The following CFAP65 variants were observed in gnomAD, a reference collection of about 807,000 sequenced individuals.
CFAP65 encodes cilia and flagella associated protein 65.
CFAP65 carries 155 observed loss-of-function variants against 208.0 expected under a neutral mutation model. That is an observed-to-expected ratio of 0.75 (90% CI 0.65 to 0.85). The LOEUF (loss-of-function observed/expected upper bound fraction) is 0.85, where lower values mean the gene tolerates loss of function less well. Among genes scored for constraint, CFAP65 ranks in the 40% least tolerant of loss-of-function variants. CFAP65 has a pLI of 0.00. For synonymous variants in CFAP65, 970 were observed against 986.3 expected (o/e 0.98, Z 0.31); for missense variants, 2,294 against 2,451.3 (o/e 0.94, Z 1.36).
intron 11 of CFAP65, among the ~76,000 whole-genome samples, 165 bp from the exon 12 acceptor site, chr2:219,028,566 G>T (rs1947812269): frequency 6.6e-6 from 1 of 152,130 alleles, no homozygotes. Context: ...GTCTGGCTCA[G>T]CCAGGGCACA....
chr2:219,014,753 C>T (rs73993394), intron 21 of CFAP65: 26,438 of 152,204 alleles, frequency 0.17, 5,528 homozygotes, highest in African/African-American at 0.51. Flanking sequence ...TGAGAGAAAG[C>T]GCACAACGCA....
At chr2:219,006,550 C>T in intron 29 of CFAP65, 41 bp from the exon 30 acceptor site, 1 of 1,604,942 alleles carries the variant, frequency 6.2e-7, no homozygotes, top group Non-Finnish European at 8.5e-7. Context: ...TACAAGAGGC[C>T]CGGCCGGGGG....
At chr2:219,008,986 C>G in intron 29 of CFAP65, 61 bp downstream of exon 29, 1 of 1,430,502 alleles carries the variant, frequency 7.0e-7, no homozygotes, top group South Asian at 1.2e-5. Flanking sequence ...CTACCTCTGT[C>G]CCCTCTGGTA....
At chr2:219,010,777 C>G (rs1438857720) in intron 25 of CFAP65, 28 bp downstream of exon 25, 8 of 1,591,390 alleles carry the variant, frequency 5.0e-6, no homozygotes, top group Non-Finnish European at 6.9e-6. Context: ...ACCACCCCAC[C>G]TCCCACGTCA....
rs1946628795 is a variant in CFAP65 at position 219,013,524 on chromosome 2, T to C, written c.3841A>G (p.Ile1281Val). ...CCAGTGTGCTGGGGCCTCACCAGGA[T>C]CTCCCGGCCATGGGACACCTTGAAG... The part of the protein sequence containing the change: ...VLFKVSHGRE[I>V]LLNFIGVTVK... The change falls in exon 23 of 35, where the codon ATC becomes GTC. Residue 1281 changes from isoleucine (I) to valine (V), a missense_variant. By Grantham distance (29) the Ile-to-Val change is conservative (BLOSUM62 3). Around this residue, in one of 2 missense-constraint regions of CFAP65, gnomAD observed 1,427 missense variants for 1,438.7 expected, o/e 0.99. Coordinates refer to ENST00000341552, the MANE Select transcript of CFAP65 (RefSeq NM_194302.4). The C allele has an allele frequency of 6.3e-7, 1 of 1,598,166 alleles. No homozygotes were observed. Among genetic ancestry groups the C allele is most frequent in the Non-Finnish European group, 8.5e-7 (1 of 1,173,896 alleles).
chr2:219,009,053 T>TCACC lies in CFAP65; in HGVS notation c.4667_4668insGGTG (p.Lys1558SerfsTer11). On this transcript the variant is annotated frameshift_variant, in exon 29 of 35. Transcript: ENST00000341552. LOFTEE classifies it high-confidence loss of function. ...TCTACTCAGCCCTCCTCACCTTCAC[T>TCACC]TTCATGTCGGTGATGGTGAACTCCA... 6.2e-7 allele frequency: 1 copy of TCACC among 1,611,010 alleles called. No individual in the cohort carries two copies. The highest frequency in any genetic ancestry group is 1.1e-5 in the South Asian group (1 of 91,056).
At position 219,019,688 on chromosome 2, in the gene CFAP65, G is replaced by A. The variant is rs1476750738; in HGVS notation, c.3291C>T (p.Cys1097=). 6.2e-7 allele frequency: 1 copy of A among 1,613,506 alleles called. No individual in the cohort carries two copies. The highest frequency in any genetic ancestry group is 8.5e-7 in the Non-Finnish European group (1 of 1,180,010). Residue 1097 remains cysteine (C), a synonymous_variant, in exon 20 of 35, where the codon TGC becomes TGT. Transcript: ENST00000341552. The stretch of plus-strand genomic sequence containing the variant: ...GGTACACGGCCACCAGGGAGACGCA[G>A]CACAGCTCCTGCTTCTCCCCAGCCT... The part of the protein sequence containing the change: ...DNKAGEKQEL[C]CVSLVAVYPL...
At chr2:219,006,653 G>A (rs1050560903) in intron 29 of CFAP65, 144 bp from the exon 30 acceptor site, 1 of 734,750 alleles carries the variant, frequency 1.4e-6, no homozygotes, top group Non-Finnish European at 2.4e-6. Flanking sequence ...GGCCAACATG[G>A]CGAAAGCCCG....
Position 219,031,762 on chromosome 2 carries a change from G to T in CFAP65, c.646-104C>A. The T allele has an allele frequency of 7.1e-7, 1 of 1,405,506 alleles. No individual in the cohort carries two copies. Among genetic ancestry groups the T allele is most frequent in the Non-Finnish European group, 9.6e-7 (1 of 1,039,112 alleles). 87.1% of individuals were successfully genotyped at this position (1,405,506 alleles called of 1,614,324 possible). ...CCCCAACACAACCGCTGAGGGGAGG[G>T]CCAGGCCGTGGCACCCACGTCAGAC... On this transcript the variant is annotated intron_variant, in intron 6 of 34. Coordinates refer to ENST00000341552, the MANE Select transcript of CFAP65 (RefSeq NM_194302.4). This position sits in a 1 kb window ranked among gnomAD's most constrained non-coding sequence, Gnocchi z 5.2.
chr2:219,030,564 T>C, intron 9 of CFAP65, 125 bp downstream of exon 9: 1 of 1,278,830 alleles, frequency 7.8e-7, no homozygotes, highest in Non-Finnish European at 1.1e-6. Flanking sequence ...ACAGCTGACA[T>C]GGGTTACATG....
At position 219,035,550 on chromosome 2, in the gene CFAP65, G is replaced by A. The variant is rs771370035; in HGVS notation, c.472C>T (p.Leu158=). The change falls in exon 5 of 35, where the codon CTA becomes TTA. Residue 158 remains leucine, a synonymous_variant. Transcript: ENST00000341552. The stretch of plus-strand genomic sequence containing the variant: ...AGATTCCTTGTGGTCTCCTTTCCTA[G>A]CTCCCAGCCTTTCCAATGCAGCTCC... ...AEELHWKGWE[L]GKETTRNLVL... 18 of 1,613,894 alleles carry A rather than the reference G, an allele frequency of 1.1e-5. No homozygotes were observed. The highest frequency in any genetic ancestry group is 2.7e-5 in the African/African-American group (2 of 74,828).
At chr2:219,015,691 A>G (rs1230659421) in intron 21 of CFAP65, 2 of 151,758 alleles carry the variant, frequency 1.3e-5, no homozygotes, top group African/African-American at 4.8e-5. Flanking sequence ...ATAAAAGCAC[A>G]TATGTGTGCA....
intron 13 of CFAP65, 140 bp downstream of exon 13, chr2:219,027,510 G>T (rs767251263): frequency 3.1e-6 from 5 of 1,602,988 alleles, no homozygotes; most frequent in African/African-American, 2.7e-5. Flanking sequence ...ACTCATAGGG[G>T]TCACTGTCCA....
In CFAP65 at chr2:219,026,044, T is replaced by A. The variant is rs1270407378; in HGVS notation, c.2327A>T (p.Gln776Leu). ...TACCTTGGGGACATCTAGGGAATAC[T>A]GGGGGATGTGGTGCTCAAAGCCAGC... ...YFAGFEHHIPQYSLDVPKLFP... is the reference protein window; with the variant it reads ...YFAGFEHHIPLYSLDVPKLFP... Residue 776 changes from glutamine (Q) to leucine (L), a missense_variant, in exon 14 of 35, where the codon CAG becomes CTG. Physicochemically the swap from Gln to Leu is moderately radical, Grantham distance 113. Transcript: ENST00000341552. 4 of 1,614,130 alleles carry A rather than the reference T, an allele frequency of 2.5e-6. No homozygotes were observed. The South Asian group carries it at 4.4e-5, about 18-fold the overall frequency.
chr2:219,013,666 T>C (rs1350339616), intron 22 of CFAP65, 81 bp from the exon 23 acceptor site: 1 of 1,398,650 alleles, frequency 7.1e-7, no homozygotes, highest in Non-Finnish European at 1.0e-6. Context: ...GACATTTCTG[T>C]GGCTTTGAGC....
rs781222488 is a variant in CFAP65 at position 219,009,044 on chromosome 2, C to T, written c.4674+3G>A. On this transcript the variant is annotated splice_donor_region_variant and intron_variant, in intron 29 of 34. Coordinates refer to ENST00000341552, the MANE Select transcript of CFAP65 (RefSeq NM_194302.4). ...TGTTTGAGATCTACTCAGCCCTCCT[C>T]ACCTTCACTTTCATGTCGGTGATGG... 6.8e-6 allele frequency: 11 copies of T among 1,609,856 alleles called. No individual in the cohort carries two copies. Among genetic ancestry groups the T allele is most frequent in the Non-Finnish European group, 9.3e-6 (11 of 1,177,348 alleles).
At chr2:219,011,027 C>G in intron 24 of CFAP65, 31 bp from the exon 25 acceptor site, 1 of 1,574,616 alleles carries the variant, frequency 6.4e-7, no homozygotes, top group Non-Finnish European at 8.7e-7. Flanking sequence ...AAAATTGCCA[C>G]ATCAGCTCAG....
At chr2:219,040,586 C>T (rs1011686627) in intron 1 of CFAP65, 22 bp from the exon 2 acceptor site, 3 of 1,552,182 alleles carry the variant, frequency 1.9e-6, no homozygotes, top group Non-Finnish European at 2.6e-6. Context: ...CAGAGAGAGT[C>T]CATTACTTTT....
intron 20 of CFAP65, 96 bp from the exon 21 acceptor site, chr2:219,019,275 TG>T (rs1203606120): frequency 2.1e-6 from 3 of 1,453,484 alleles, no homozygotes; most frequent in East Asian, 4.6e-5. Context: ...TCCCTCCAAG[TG>T]GGAACTGGAG....
Sources: allele counts gnomAD v4.1 joint callset (sites outside exome capture counted in the v4.1 genomes callset), GRCh38; gene constraint gnomAD v4.1.1; regional missense constraint gnomAD v4.1.1; non-coding constraint Gnocchi (gnomAD v3.1); transcripts MANE v1.5; gene names NCBI Gene and HGNC (gene_info 2026-07-23, HGNC 2026-07-21).